PDGFRL: variants seen among roughly 807,000 people sequenced by gnomAD.
PDGFRL encodes platelet derived growth factor receptor like.
In PDGFRL, 46 loss-of-function variants were observed where a neutral mutation model predicts 37.2. The observed-to-expected ratio is 1.24, with a 90% CI of 0.98 to 1.58. The LOEUF (loss-of-function observed/expected upper bound fraction) is 1.58, where lower values mean the gene tolerates loss of function less well. Ranked by LOEUF, PDGFRL falls within the 40% of genes most tolerant of loss-of-function variation. PDGFRL has a pLI of 0.00. For missense variants in PDGFRL, 692 were observed against 467.6 expected (o/e 1.48, Z -4.43); for synonymous variants, 251 against 184.3 (o/e 1.36, Z -2.93).
In PDGFRL at chr8:17,587,826, C is replaced by T. The variant is rs539699407; in HGVS notation, c.56-1642C>T. ...TGTATTTTTAGTAGAGATGGGGTTT[C>T]GCCATGTTGCCCAGGCTGGTCTCAA... On this transcript the variant is annotated intron_variant, in intron 1 of 5. Transcript: ENST00000251630. Among the ~76,000 whole-genome samples the T allele has an allele frequency of 1.2e-4, 19 of 152,138 alleles. No homozygotes were observed. In the South Asian group the frequency reaches 2.5e-3, roughly 20 times the overall value.
intron 2 of PDGFRL, among the ~76,000 whole-genome samples, chr8:17,617,859 G>T (rs991578405): frequency 6.6e-6 from 1 of 152,076 alleles, no homozygotes; most frequent in Non-Finnish European, 1.5e-5. Context: ...CAAATGCTCG[G>T]CCCAGAGAAG....
intron 2 of PDGFRL, chr8:17,596,452 T>G: frequency 2.1e-6 from 1 of 465,746 alleles, no homozygotes; most frequent in Non-Finnish European, 3.4e-6. Context: ...AAAACAGAAT[T>G]GATATAATTT....
Position 17,585,636 on chromosome 8 carries a change from G to C in PDGFRL, c.56-3832G>C, listed in dbSNP as rs1214163056. Among the ~76,000 whole-genome samples, 4 of 152,238 alleles carry C rather than the reference G, an allele frequency of 2.6e-5. No individual in the cohort carries two copies. The East Asian group carries it at 7.7e-4, about 29-fold the overall frequency. ...AGAATGTATGGTGTGGTTAACTGAG[G>C]AGCTACTTTTAGGGATGGCCTTTCC... On this transcript the variant is annotated intron_variant, in intron 1 of 5. Transcript: ENST00000251630.
At chr8:17,586,500 C>G (rs552203524) in intron 1 of PDGFRL, among the ~76,000 whole-genome samples, 86 of 152,308 alleles carry the variant, frequency 5.6e-4, no homozygotes, top group African/African-American at 2.1e-3. Context: ...CCAGAGAAAG[C>G]TCTAGACTTG....
intron 4 of PDGFRL, among the ~76,000 whole-genome samples, chr8:17,631,770 C>T (rs144377269): frequency 2.7e-3 from 410 of 152,228 alleles, no homozygotes; most frequent in African/African-American, 9.4e-3. Flanking sequence ...TCTGCCCTGG[C>T]TCCATTTTTC....
At chr8:17,580,803 G>T (rs1468883271) in intron 1 of PDGFRL, among the ~76,000 whole-genome samples, 3 of 152,130 alleles carry the variant, frequency 2.0e-5, no homozygotes, top group East Asian at 3.9e-4. Context: ...CTTCTAAGAT[G>T]CGGGTAGAAT....
intron 3 of PDGFRL, among the ~76,000 whole-genome samples, chr8:17,626,519 G>T (rs1804738064): frequency 6.6e-6 from 1 of 152,126 alleles, no homozygotes; most frequent in South Asian, 2.1e-4. Flanking sequence ...CAGGAATTCT[G>T]CCCCCAACCT....
chr8:17,629,276 G>A (rs1804811351), intron 4 of PDGFRL, among the ~76,000 whole-genome samples: 1 of 151,956 alleles, frequency 6.6e-6, no homozygotes, highest in Non-Finnish European at 1.5e-5. Flanking sequence ...ACCACTTCTA[G>A]GATGGATGTT....
chr8:17,577,051 G>C (rs117328805), upstream of PDGFRL: 13,138 of 661,632 alleles, frequency 0.02, 306 homozygotes, highest in Admixed American at 0.08. Flanking sequence ...GCTCCGCCAG[G>C]GGGCAGGAGA....
chr8:17,628,860 G>T (rs894055528), intron 4 of PDGFRL, 80 bp downstream of exon 4: 10 of 905,852 alleles, frequency 1.1e-5, no homozygotes, highest in African/African-American at 1.6e-5. Flanking sequence ...CCTGCAGATG[G>T]AATAAGGAAG....
intron 4 of PDGFRL, among the ~76,000 whole-genome samples, chr8:17,633,731 A>G (rs1244863673): frequency 6.6e-6 from 1 of 152,128 alleles, no homozygotes; most frequent in Admixed American, 6.5e-5. Context: ...ACCACCACCC[A>G]GTACTTCCTC....
Position 17,642,691 on chromosome 8 carries a change from A to T in PDGFRL, c.1018A>T (p.Ser340Cys), listed in dbSNP as rs760746193. ...GGGACACACCACGAGAATCTCCCAG[A>T]GTGTCATTACAGTGGAAGACTTTGA... The part of the protein sequence containing the change: ...GLGHTTRISQ[S>C]VITVEDFETI... The change falls in exon 6 of 6, where the codon AGT becomes TGT. Residue 340 changes from serine (S) to cysteine (C), a missense_variant. Physicochemically the swap from Ser to Cys is moderately radical, Grantham distance 112. Transcript: ENST00000251630. 8 of 1,600,568 alleles carry T rather than the reference A, an allele frequency of 5.0e-6. No homozygotes were observed. The highest frequency in any genetic ancestry group is 6.9e-6 in the Non-Finnish European group (8 of 1,167,558).
chr8:17,621,399 A>T (rs1424784472), intron 3 of PDGFRL, among the ~76,000 whole-genome samples, 197 bp downstream of exon 3: 1 of 146,776 alleles, frequency 6.8e-6, no homozygotes, highest in Non-Finnish European at 1.5e-5. Flanking sequence ...TACTAATATT[A>T]TTCCTGTTTT....
intron 2 of PDGFRL, among the ~76,000 whole-genome samples, chr8:17,595,410 G>GGT (rs1192102329): frequency 6.6e-6 from 1 of 152,146 alleles, no homozygotes; most frequent in African/African-American, 2.4e-5. Context: ...CCTGTTCTCG[G>GGT]GTAGGGGCCA....
chr8:17,637,131 C>G (rs183029961), intron 5 of PDGFRL, among the ~76,000 whole-genome samples: 1 of 152,106 alleles, frequency 6.6e-6, no homozygotes, highest in African/African-American at 2.4e-5. Flanking sequence ...ATTGCTCTGG[C>G]GAGGACTTCC....
chr8:17,599,633 G>C (rs1171560621), intron 2 of PDGFRL, among the ~76,000 whole-genome samples: 1 of 152,216 alleles, frequency 6.6e-6, no homozygotes, highest in Non-Finnish European at 1.5e-5. Flanking sequence ...GCTGCCAGTA[G>C]ATGTGGCCAC....
intron 2 of PDGFRL, among the ~76,000 whole-genome samples, chr8:17,604,381 T>C (rs1191534937): frequency 1.3e-5 from 2 of 152,274 alleles, no homozygotes; most frequent in Admixed American, 6.5e-5. Context: ...GTGGCACATA[T>C]ACACCATGGA....
At chr8:17,618,238 T>C (rs762934310) in intron 2 of PDGFRL, among the ~76,000 whole-genome samples, 9 of 152,114 alleles carry the variant, frequency 5.9e-5, no homozygotes, top group Non-Finnish European at 1.2e-4. Context: ...TAATTTTTTG[T>C]AGATATGGGG....
chr8:17,590,574 G>A (rs1803915200), intron 2 of PDGFRL, among the ~76,000 whole-genome samples: 1 of 150,916 alleles, frequency 6.6e-6, no homozygotes, highest in African/African-American at 2.5e-5. Flanking sequence ...GCCAGATGTG[G>A]TAGCATGCAC....
Sources: gnomAD v4.1 joint callset for allele counts (sites outside exome capture counted in the v4.1 genomes callset) on GRCh38, gnomAD v4.1.1 for gene constraint, MANE v1.5 for transcripts, NCBI Gene and HGNC (gene_info 2026-07-23, HGNC 2026-07-21) for gene names.